Variants in MYT1L observed in about 807,000 individuals in gnomAD.
MYT1L encodes the protein myelin transcription factor 1 like, also known as myelin transcription factor 1-like protein.
In MYT1L, 12 loss-of-function variants were observed where a neutral mutation model predicts 126.7. That is an observed-to-expected ratio of 0.09 (90% CI 0.06 to 0.15). The LOEUF is 0.15. MYT1L is among the 10% of genes least tolerant of loss of function. The pLI is 1.00. For synonymous variants in MYT1L, 541 were observed against 604.2 expected, an observed-to-expected ratio of 0.90 and a Z score of 1.53; for missense variants, 979 against 1,585.2, an observed-to-expected ratio of 0.62 and a Z score of 6.49.
rs1287789042 is a variant in MYT1L, at chr2:1,910,347, G to A, written c.1710C>T (p.Ser570=). 1 of 1,610,716 alleles carries A rather than the reference G, an allele frequency of 6.2e-7. No homozygotes were observed. The highest frequency in any genetic ancestry group is 1.1e-5 in the South Asian group (1 of 91,076). Residue 570 remains serine, a splice_region_variant and synonymous_variant, in exon 13 of 25, where the codon AGC becomes AGT. Coordinates refer to ENST00000647738, the MANE Select transcript of MYT1L (RefSeq NM_001303052.2). The surrounding 1 kb of genome is among the most constrained non-coding windows in gnomAD (Gnocchi z 4.8). ...CTGCAGCGATCGGGCATCCGGAGAGGCTGCAATCACAGAAAGCGGGTTGAA... is the reference window on the plus strand; with the variant it reads ...CTGCAGCGATCGGGCATCCGGAGAGACTGCAATCACAGAAAGCGGGTTGAA... ...HVNSNRNSHR[S]LSGCPIAAAE... is the part of the protein sequence containing the mutation.
intron 3 of MYT1L, among the ~76,000 whole-genome samples, chr2:2,122,837 ATGTGTGTGTGTGTGTGTGTGTG>A (rs200951880): frequency 7.4e-6 from 1 of 135,506 alleles, no homozygotes; most frequent in African/African-American, 2.9e-5. Context: ...GAGGATAGGA[ATGTGTGTGTGTGTGTGTGTGTG>A]TGTGTGTGTG....
At chr2:2,179,655 G>A (rs557352194) in intron 2 of MYT1L, among the ~76,000 whole-genome samples, 184 of 152,316 alleles carry the variant, frequency 1.2e-3, no homozygotes, top group African/African-American at 4.1e-3. Context: ...TTGCTTTAGT[G>A]AGTGAGGAAC....
Position 1,848,104 on chromosome 2 carries a change from G to A in MYT1L, c.2774+3537C>T, listed in dbSNP as rs530354957. ...GTTAATGAAATCGCTAATTCTCAGCGCATCTGTGGAGATGGTGGAGGACAG... is the reference window on the plus strand; with the variant it reads ...GTTAATGAAATCGCTAATTCTCAGCACATCTGTGGAGATGGTGGAGGACAG... On this transcript the variant is annotated intron_variant, in intron 19 of 24. Coordinates refer to ENST00000647738, the MANE Select transcript of MYT1L (RefSeq NM_001303052.2). The surrounding 1 kb of genome is among the most constrained non-coding windows in gnomAD (Gnocchi z 4.8). Among the ~76,000 whole-genome samples, 140 of 152,288 alleles carry A rather than the reference G, an allele frequency of 9.2e-4. No individual in the cohort carries two copies. Among genetic ancestry groups the A allele is most frequent in the Middle Eastern group, 3.4e-3 (1 of 294 alleles).
At chr2:2,312,406 T>C (rs959341787) in intron 1 of MYT1L, among the ~76,000 whole-genome samples, 3 of 151,152 alleles carry the variant, frequency 2.0e-5, no homozygotes, top group African/African-American at 7.3e-5. Flanking sequence ...AGCTCAGGAG[T>C]TCAAGACCAG....
At chr2:2,068,725 T>C (rs1163214708) in intron 3 of MYT1L, among the ~76,000 whole-genome samples, 2 of 139,894 alleles carry the variant, frequency 1.4e-5, no homozygotes, top group Non-Finnish European at 3.1e-5. Flanking sequence ...ACAGTAATAC[T>C]GGCTTTTTTT....
chr2:2,069,735 T>A (rs2074358173), intron 3 of MYT1L, among the ~76,000 whole-genome samples: 1 of 151,918 alleles, frequency 6.6e-6, no homozygotes, highest in Admixed American at 6.5e-5. Context: ...CAGTACCTGT[T>A]ATTTCCTGAC....
Position 2,155,457 on chromosome 2 carries a change from T to C in MYT1L, c.-304+17415A>G, listed in dbSNP as rs146336782. Among the ~76,000 whole-genome samples, 13 of 152,334 alleles carry C rather than the reference T, an allele frequency of 8.5e-5. No homozygotes were observed. In the East Asian group the frequency reaches 2.3e-3, roughly 27 times the overall value. ...CCTATAATTTCCTGGTGGTCTATTA[T>C]GTGTCAGACACCAAACCAGAACTAT... On this transcript the variant is annotated intron_variant, in intron 3 of 24. Coordinates refer to ENST00000647738, the MANE Select transcript of MYT1L (RefSeq NM_001303052.2).
At chr2:1,810,472 G>A (rs1232273081) in intron 21 of MYT1L, among the ~76,000 whole-genome samples, 2 of 152,128 alleles carry the variant, frequency 1.3e-5, no homozygotes, top group Non-Finnish European at 2.9e-5. Flanking sequence ...TGACATATGT[G>A]TTTATTCTCT....
At chr2:1,800,542 G>A (rs989273952) in intron 23 of MYT1L, among the ~76,000 whole-genome samples, 6 of 152,090 alleles carry the variant, frequency 3.9e-5, no homozygotes, top group Non-Finnish European at 5.9e-5. Context: ...AATCCCTTTC[G>A]GTTGCTTGGT....
At chr2:2,257,327 A>G (rs1022663538) in intron 2 of MYT1L, among the ~76,000 whole-genome samples, 3 of 152,180 alleles carry the variant, frequency 2.0e-5, no homozygotes, top group African/African-American at 4.8e-5. Flanking sequence ...GGTTTTCTCT[A>G]TCGATGATGT....
At chr2:2,168,407 G>C (rs957439991) in intron 3 of MYT1L, among the ~76,000 whole-genome samples, 1 of 152,096 alleles carries the variant, frequency 6.6e-6, no homozygotes, top group Non-Finnish European at 1.5e-5. Context: ...GGTGTGTTGG[G>C]GTGCATATGG....
intron 22 of MYT1L, among the ~76,000 whole-genome samples, chr2:1,805,464 AAAG>A (rs2035545179): frequency 6.6e-6 from 1 of 152,236 alleles, no homozygotes; most frequent in South Asian, 2.1e-4. Flanking sequence ...ATATGAAAGA[AAAG>A]AAGGCCGGGC....
rs1239672079 is a variant in MYT1L at position 1,793,183 on chromosome 2, C to T, written c.3277-719G>A. Among the ~76,000 whole-genome samples the T allele has an allele frequency of 3.9e-5, 6 of 152,178 alleles. No individual in the cohort carries two copies. Among genetic ancestry groups the T allele is most frequent in the Non-Finnish European group, 4.4e-5 (3 of 68,018 alleles). On this transcript the variant is annotated intron_variant, in intron 23 of 24. Coordinates refer to ENST00000647738, the MANE Select transcript of MYT1L (RefSeq NM_001303052.2). This position sits in a 1 kb window ranked among gnomAD's most constrained non-coding sequence, Gnocchi z 4.6. ...GCACTGTGCCCACAGGGTGGTCTTC[C>T]TGCATTTCTCTAAGGAAAAAGGCCC...
At chr2:1,901,896 G>C (rs1040980476) in intron 14 of MYT1L, among the ~76,000 whole-genome samples, 5 of 152,222 alleles carry the variant, frequency 3.3e-5, no homozygotes, top group Non-Finnish European at 5.9e-5. Flanking sequence ...TTGACACCAA[G>C]TGATCCGCCT....
chr2:1,794,779 CATGCTTATAA>C (rs1424985138), intron 23 of MYT1L, among the ~76,000 whole-genome samples: 2 of 152,182 alleles, frequency 1.3e-5, no homozygotes, highest in Non-Finnish European at 2.9e-5. Flanking sequence ...GCGGGGCTCC[CATGCTTATAA>C]ATGCTTTGCT....
chr2:2,300,560 C>T lies in MYT1L; in HGVS notation c.-520-16057G>A, dbSNP rs1182252315. ...CATAGTCACATTCTCCCAGCTTGAA[C>T]AATACTCCATAAATGAAGCACAGTT... On this transcript the variant is annotated intron_variant, in intron 1 of 24. Transcript: ENST00000647738. Among the ~76,000 whole-genome samples, 6 of 152,296 alleles carry T rather than the reference C, an allele frequency of 3.9e-5. 1 individual carries two copies. The South Asian group carries it at 1.2e-3, about 32-fold the overall frequency.
At chr2:2,257,776 C>A (rs1056882187) in intron 2 of MYT1L, among the ~76,000 whole-genome samples, 11 of 150,910 alleles carry the variant, frequency 7.3e-5, no homozygotes, top group Non-Finnish European at 1.3e-4. Flanking sequence ...TTCCATGCTC[C>A]TGGGTAGGAA....
In MYT1L at chr2:2,082,943, T is replaced by C. The variant is rs537724922; in HGVS notation, c.-303-28820A>G. 5.9e-5 allele frequency among the ~76,000 whole-genome samples: 9 copies of C among 152,082 alleles called. No homozygotes were observed. In the East Asian group the frequency reaches 1.7e-3, roughly 30 times the overall value. On this transcript the variant is annotated intron_variant, in intron 3 of 24. Transcript: ENST00000647738. ...CTGGCATCTTGTAAGCCAACCCTGC[T>C]CTCTCCTCCCAATCAAGATGCATCT...
chr2:2,109,309 C>T (rs116053556), intron 3 of MYT1L, among the ~76,000 whole-genome samples: 1,795 of 152,234 alleles, frequency 0.012, 22 homozygotes, highest in Admixed American at 0.031. Context: ...CTGGGAAGTC[C>T]CACTCCCTGA....
Sources: gnomAD v4.1 joint callset for allele counts (sites outside exome capture counted in the v4.1 genomes callset) on GRCh38, gnomAD v4.1.1 for gene constraint, Gnocchi (gnomAD v3.1) non-coding constraint, MANE v1.5 for transcripts, NCBI Gene and HGNC (gene_info 2026-07-23, HGNC 2026-07-21) for gene names.